SLC39A11: variants seen among roughly 807,000 people sequenced by gnomAD.
The protein encoded by SLC39A11 is solute carrier family 39 member 11, also known as zinc transporter ZIP11.
SLC39A11 carries 33 observed loss-of-function variants against 36.1 expected under a neutral mutation model. The observed-to-expected ratio is 0.91, with a 90% CI of 0.69 to 1.22. The LOEUF (loss-of-function observed/expected upper bound fraction) is 1.22. Among genes scored for constraint, SLC39A11 ranks in the 50% most tolerant of loss-of-function variants. The pLI, the probability that SLC39A11 is intolerant of heterozygous loss-of-function variation, is 0.00. For missense variants in SLC39A11, 432 were observed against 430.3 expected, an observed-to-expected ratio of 1.00 and a Z score of -0.03; for synonymous variants, 166 against 170.3, an observed-to-expected ratio of 0.97 and a Z score of 0.20.
At chr17:72,705,794 G>A (rs778764845) in intron 7 of SLC39A11, among the ~76,000 whole-genome samples, 10 of 152,328 alleles carry the variant, frequency 6.6e-5, no homozygotes, top group South Asian at 4.1e-4. Flanking sequence ...TGAGCCTACC[G>A]TCGACAACGG....
chr17:72,751,650 T>C (rs2075161173), intron 6 of SLC39A11, among the ~76,000 whole-genome samples: 2 of 152,084 alleles, frequency 1.3e-5, no homozygotes, highest in Admixed American at 6.5e-5. Context: ...TGATCTCAGC[T>C]CACTGCAATC....
intron 7 of SLC39A11, among the ~76,000 whole-genome samples, chr17:72,678,489 A>G (rs1033094987): frequency 6.6e-6 from 1 of 151,962 alleles, no homozygotes; most frequent in Admixed American, 6.6e-5. Context: ...GGCAGATCAC[A>G]AGGTCAGGAG....
intron 4 of SLC39A11, among the ~76,000 whole-genome samples, chr17:72,965,584 A>T (rs78472518): frequency 0.02 from 3,088 of 152,334 alleles, 94 homozygotes; most frequent in East Asian, 0.1. Context: ...CGTTTAAGGT[A>T]GCTGGGCTAA....
At chr17:73,005,818 G>A (rs1247831467) in intron 4 of SLC39A11, among the ~76,000 whole-genome samples, 2 of 152,148 alleles carry the variant, frequency 1.3e-5, no homozygotes, top group Non-Finnish European at 2.9e-5. Flanking sequence ...AGGTGTGGTG[G>A]CGCAGGTCTG....
chr17:73,084,408 A>G (rs1040270909), intron 3 of SLC39A11, among the ~76,000 whole-genome samples: 3 of 127,118 alleles, frequency 2.4e-5, no homozygotes, highest in Non-Finnish European at 3.2e-5. Flanking sequence ...ACTGTACTCT[A>G]GCCTGGGTGA....
chr17:72,675,043 T>A (rs2071195693), intron 7 of SLC39A11, among the ~76,000 whole-genome samples: 1 of 152,074 alleles, frequency 6.6e-6, no homozygotes, highest in African/African-American at 2.4e-5. Flanking sequence ...AGTTTATCCA[T>A]CTATCTGAGA....
chr17:72,714,823 G>T (rs992635404), intron 7 of SLC39A11, among the ~76,000 whole-genome samples: 7 of 152,188 alleles, frequency 4.6e-5, no homozygotes, highest in Non-Finnish European at 1.5e-5. Context: ...TTCAGATCTG[G>T]GTTCATGGAG....
intron 7 of SLC39A11, among the ~76,000 whole-genome samples, chr17:72,717,850 G>A (rs905965066): frequency 6.6e-6 from 1 of 152,160 alleles, no homozygotes; most frequent in Non-Finnish European, 1.5e-5. Flanking sequence ...CACATCGGCT[G>A]TCTAGGAGGT....
chr17:72,700,747 T>G (rs1342959909), intron 7 of SLC39A11, among the ~76,000 whole-genome samples: 1 of 152,206 alleles, frequency 6.6e-6, no homozygotes, highest in East Asian at 1.9e-4. Flanking sequence ...CTCACAGTCA[T>G]GGCAGAAGGT....
chr17:72,729,018 A>G (rs1216235960), intron 7 of SLC39A11, among the ~76,000 whole-genome samples: 1 of 152,108 alleles, frequency 6.6e-6, no homozygotes, highest in Non-Finnish European at 1.5e-5. Flanking sequence ...TAAAACACAC[A>G]GCAGTGGGGT....
intron 7 of SLC39A11, among the ~76,000 whole-genome samples, chr17:72,698,282 T>C (rs560727675): frequency 1.8e-4 from 27 of 152,332 alleles, no homozygotes; most frequent in Middle Eastern, 3.4e-3. Context: ...GGTTTGTCTC[T>C]AAATAGCTCA....
intron 6 of SLC39A11, among the ~76,000 whole-genome samples, chr17:72,803,251 G>C (rs2077153446): frequency 6.6e-6 from 1 of 152,248 alleles, no homozygotes; most frequent in Non-Finnish European, 1.5e-5. Context: ...AATGCTTACT[G>C]ACTGCTGGGC....
At chr17:73,011,181 G>A (rs986632984) in intron 4 of SLC39A11, among the ~76,000 whole-genome samples, 1 of 152,244 alleles carries the variant, frequency 6.6e-6, no homozygotes, top group Non-Finnish European at 1.5e-5. Flanking sequence ...GCCTTGTGGG[G>A]AAGAAATGCA....
At chr17:72,787,232 T>G (rs2076547593) in intron 6 of SLC39A11, among the ~76,000 whole-genome samples, 2 of 151,444 alleles carry the variant, frequency 1.3e-5, no homozygotes, top group African/African-American at 4.9e-5. Context: ...CATTTGTCAC[T>G]TTGACTGCTA....
intron 6 of SLC39A11, among the ~76,000 whole-genome samples, chr17:72,786,994 A>G (rs1477741090): frequency 6.6e-6 from 1 of 151,106 alleles, no homozygotes; most frequent in South Asian, 2.1e-4. Context: ...TAATTTTTGT[A>G]TTTTTAGTAG....
chr17:72,937,290 A>C (rs995547251), intron 5 of SLC39A11, among the ~76,000 whole-genome samples: 1 of 152,094 alleles, frequency 6.6e-6, no homozygotes, highest in East Asian at 1.9e-4. Context: ...GGTATCTACT[A>C]AAAAAAGTAC....
At chr17:72,904,803 G>A (rs1357195994) in intron 5 of SLC39A11, among the ~76,000 whole-genome samples, 1 of 152,192 alleles carries the variant, frequency 6.6e-6, no homozygotes, top group Non-Finnish European at 1.5e-5. Flanking sequence ...GGGCAGGAGG[G>A]CATGGCTGCA....
chr17:72,936,616 T>C (rs2147523584), intron 5 of SLC39A11, among the ~76,000 whole-genome samples: 1 of 151,934 alleles, frequency 6.6e-6, no homozygotes, highest in South Asian at 2.1e-4. Flanking sequence ...ACTCTGCCTC[T>C]AAAGACATGG....
intron 5 of SLC39A11, among the ~76,000 whole-genome samples, chr17:72,867,394 G>C (rs1410199640): frequency 1.3e-5 from 2 of 152,114 alleles, no homozygotes; most frequent in Non-Finnish European, 2.9e-5. Context: ...CAGCTACTCG[G>C]GAGGCTGAGG....
Sources: allele counts gnomAD v4.1 joint callset (sites outside exome capture counted in the v4.1 genomes callset), GRCh38; gene constraint gnomAD v4.1.1; transcripts MANE v1.5; gene names NCBI Gene and HGNC (gene_info 2026-07-23, HGNC 2026-07-21).